Variants in SLC15A1 observed in about 807,000 individuals in gnomAD.
The protein encoded by SLC15A1 is solute carrier family 15 member 1.
A neutral mutation model predicts 92.9 loss-of-function variants in SLC15A1; 83 were observed. The observed-to-expected ratio is 0.89, with a 90% confidence interval of 0.75 to 1.07. The LOEUF is 1.07. SLC15A1 is among the 50% of genes least tolerant of loss of function. SLC15A1 has a pLI of 0.00. For synonymous variants in SLC15A1, 322 were observed against 318.2 expected, an observed-to-expected ratio of 1.01 and a Z score of -0.13; for missense variants, 857 against 880.1, an observed-to-expected ratio of 0.97 and a Z score of 0.33.
Position 98,752,620 on chromosome 13 carries a change from T to C in SLC15A1, c.-22A>G, listed in dbSNP as rs780686265. The C allele has an allele frequency of 1.9e-5, 24 of 1,253,044 alleles. No homozygotes were observed. In the South Asian group the frequency reaches 7.9e-4, roughly 41 times the overall value. The allele number at this position is 1,253,044 out of a possible 1,614,324, so 77.6% of individuals were successfully genotyped here. On this transcript the variant is annotated 5_prime_UTR_variant, in exon 1 of 23. Coordinates refer to ENST00000376503, the MANE Select transcript of SLC15A1 (RefSeq NM_005073.4). ...CCATGGCGGCGGCTCCCAGGGCTCC[T>C]GCGACCTGCCGGCGGGACGTGCTCC... is the stretch of plus-strand genomic sequence containing the variant.
At position 98,724,044 on chromosome 13, in the gene SLC15A1, A is replaced by G; in HGVS notation, c.246-13T>C. The G allele has an allele frequency of 6.2e-7, 1 of 1,613,676 alleles. No individual in the cohort carries two copies. On this transcript the variant is annotated splice_polypyrimidine_tract_variant and intron_variant, in intron 4 of 22. Transcript: ENST00000376503. ...CGACACAATGGTCCTGTGTTTCCAA[A>G]GATTAAGAGAATCCGAGTTAATTGC...
In SLC15A1 at chr13:98,684,960, A is replaced by G. The variant is rs372987948; in HGVS notation, c.1936-45T>C. Reference sequence around the variant, plus strand: ...GGAGCAGGAAAAAGAACAAAAATAAAACAGGTCATACTGATGAATATATGG... The same window carrying G: ...GGAGCAGGAAAAAGAACAAAAATAAGACAGGTCATACTGATGAATATATGG... On this transcript the variant is annotated intron_variant, in intron 22 of 22. Coordinates refer to ENST00000376503, the MANE Select transcript of SLC15A1 (RefSeq NM_005073.4). 4.4e-5 allele frequency: 66 copies of G among 1,517,166 alleles called. 1 individual carries two copies. The African/African-American group carries it at 8.1e-4, about 19-fold the overall frequency. 94.0% of individuals were successfully genotyped at this position (1,517,166 alleles called of 1,614,324 possible). A position where few individuals can be genotyped will look rare whatever the true frequency, so the allele number is the denominator to read the frequency against.
At chr13:98,708,598 A>G (rs1487682175) in intron 15 of SLC15A1, 88 bp downstream of exon 15, 2 of 1,182,432 alleles carry the variant, frequency 1.7e-6, no homozygotes, top group African/African-American at 3.1e-5. Flanking sequence ...GGCCTCCCCT[A>G]ATCCCCTTCA....
At position 98,726,408 on chromosome 13, in the gene SLC15A1, G is replaced by T; in HGVS notation, c.63C>A (p.Val21=). The change falls in exon 3 of 23, where the codon GTC becomes GTA. Residue 21 remains valine, a synonymous_variant. Transcript: ENST00000376503. ...GYPLSIFFIV[V]NEFCERFSYY... is the part of the protein sequence containing the mutation. ...AGGAAAATCTTTCGCAAAACTCATT[G>T]ACCACGATGAAGAAGATGCTCAGGG... is the stretch of plus-strand genomic sequence containing the variant. 2 of 1,614,080 alleles carry T rather than the reference G, an allele frequency of 1.2e-6. No individual in the cohort carries two copies. Among genetic ancestry groups the T allele is most frequent in the South Asian group, 2.2e-5 (2 of 91,026 alleles).
chr13:98,707,982 T>G (rs1395594518), intron 15 of SLC15A1, among the ~76,000 whole-genome samples: 5 of 151,332 alleles, frequency 3.3e-5, no homozygotes, highest in African/African-American at 1.2e-4. Flanking sequence ...TTTTTTAAAT[T>G]TAAAGATATT....
chr13:98,696,304 C>G (rs560381656), intron 18 of SLC15A1, among the ~76,000 whole-genome samples: 2 of 139,372 alleles, frequency 1.4e-5, no homozygotes, highest in African/African-American at 5.6e-5. Context: ...ATCCCAGCTA[C>G]TCGGAAGGCT....
intron 1 of SLC15A1, 40 bp downstream of exon 1, chr13:98,752,554 CG>C: frequency 7.8e-7 from 1 of 1,277,040 alleles, no homozygotes; most frequent in South Asian, 2.7e-5. Flanking sequence ...CGCGTAGCTC[CG>C]AGTCTTTAGC....
chr13:98,693,758 G>A (rs539439828), intron 18 of SLC15A1, among the ~76,000 whole-genome samples: 1 of 152,166 alleles, frequency 6.6e-6, no homozygotes, highest in Admixed American at 6.5e-5. Flanking sequence ...TGTCACTTGT[G>A]GTTTTGGTTT....
intron 22 of SLC15A1, among the ~76,000 whole-genome samples, 188 bp downstream of exon 22, chr13:98,686,002 A>G (rs2087925850): frequency 6.6e-6 from 1 of 151,914 alleles, no homozygotes; most frequent in Non-Finnish European, 1.5e-5. Flanking sequence ...AAAAAAAAGA[A>G]GAAGAAGAAG....
At chr13:98,709,505 G>T in intron 14 of SLC15A1, 67 bp downstream of exon 14, 1 of 1,307,436 alleles carries the variant, frequency 7.6e-7, no homozygotes. Context: ...TGCAGGCTGA[G>T]CGCAGCCCAT....
intron 1 of SLC15A1, among the ~76,000 whole-genome samples, chr13:98,734,097 C>G (rs1433354739): frequency 6.6e-6 from 1 of 152,166 alleles, no homozygotes; most frequent in African/African-American, 2.4e-5. Context: ...TCCTGAGTAG[C>G]TGGGATTACA....
intron 1 of SLC15A1, among the ~76,000 whole-genome samples, chr13:98,737,395 T>C (rs888150877): frequency 6.6e-6 from 1 of 152,146 alleles, no homozygotes; most frequent in African/African-American, 2.4e-5. Context: ...CTAATGTAAA[T>C]GACGGGTTAA....
chr13:98,696,605 A>C (rs952461943), intron 18 of SLC15A1, among the ~76,000 whole-genome samples: 1 of 152,204 alleles, frequency 6.6e-6, no homozygotes, highest in African/African-American at 2.4e-5. Context: ...TCCAGCTCAG[A>C]ATCAAATACA....
intron 1 of SLC15A1, among the ~76,000 whole-genome samples, chr13:98,730,421 G>A (rs1566456259): frequency 6.6e-6 from 1 of 152,154 alleles, no homozygotes; most frequent in Non-Finnish European, 1.5e-5. Flanking sequence ...AGATTCCTCC[G>A]CACGAATAAC....
Position 98,708,531 on chromosome 13 carries a change from C to T in SLC15A1, c.1149+155G>A, listed in dbSNP as rs113618849. ...GAAGCCCACCCACTGTACCCTCACA[C>T]CCATGGTGCCTCCCACTGCCCACAG... On this transcript the variant is annotated intron_variant, in intron 15 of 22. Transcript: ENST00000376503. 7.5e-3 allele frequency among the ~76,000 whole-genome samples: 1,135 copies of T among 152,238 alleles called. 14 individuals are homozygous for T. Among genetic ancestry groups the T allele is most frequent in the African/African-American group, 0.026 (1,075 of 41,546 alleles).
At chr13:98,689,112 G>A (rs2087955727) in intron 18 of SLC15A1, among the ~76,000 whole-genome samples, 3 of 152,110 alleles carry the variant, frequency 2.0e-5, no homozygotes, top group African/African-American at 7.2e-5. Flanking sequence ...GCTCATTTTT[G>A]TATTTTTAGT....
intron 7 of SLC15A1, chr13:98,721,227 C>T (rs1264714672): frequency 3.3e-6 from 2 of 604,346 alleles, no homozygotes; most frequent in Admixed American, 4.3e-5. Context: ...CATGACTTTG[C>T]ATGAATAACA....
chr13:98,736,976 A>G (rs2088399955), intron 1 of SLC15A1, among the ~76,000 whole-genome samples: 1 of 152,250 alleles, frequency 6.6e-6, no homozygotes, highest in African/African-American at 2.4e-5. Flanking sequence ...CATTTGACCC[A>G]GCCATCCCAT....
intron 1 of SLC15A1, among the ~76,000 whole-genome samples, chr13:98,751,175 A>G (rs1336815875): frequency 6.6e-6 from 1 of 152,206 alleles, no homozygotes; most frequent in Admixed American, 6.5e-5. Context: ...AGTAAAAATC[A>G]AATCGGTTTT....
Sources: gnomAD v4.1 joint callset for allele counts (sites outside exome capture counted in the v4.1 genomes callset) on GRCh38, gnomAD v4.1.1 for gene constraint, MANE v1.5 for transcripts, NCBI Gene and HGNC (gene_info 2026-07-23, HGNC 2026-07-21) for gene names.